CEP57L1: variants seen among roughly 807,000 people sequenced by gnomAD.
The protein encoded by CEP57L1 is centrosomal protein 57 like 1.
CEP57L1 carries 37 observed loss-of-function variants against 61.0 expected under a neutral mutation model. The observed-to-expected ratio is 0.61, with a 90% confidence interval of 0.47 to 0.80. The LOEUF (loss-of-function observed/expected upper bound fraction) is 0.80, where lower values mean the gene tolerates loss of function less well. Among genes scored for constraint, CEP57L1 ranks in the 30% least tolerant of loss-of-function variants. The probability of loss-of-function intolerance (pLI) is 0.00; values close to 1 mark genes in which losing one functional copy is unlikely to be tolerated. For synonymous variants in CEP57L1, 137 were observed against 162.3 expected (o/e 0.84, Z 1.19); for missense variants, 422 against 524.7 (o/e 0.80, Z 1.91).
chr6:109,114,550 G>A (rs945390325), intron 1 of CEP57L1, among the ~76,000 whole-genome samples: 2 of 151,638 alleles, frequency 1.3e-5, no homozygotes, highest in Non-Finnish European at 2.9e-5. Context: ...TGAACCTAGA[G>A]GACATCATAT....
intron 1 of CEP57L1, among the ~76,000 whole-genome samples, chr6:109,107,426 T>G (rs1771075017): frequency 2.0e-5 from 3 of 152,214 alleles, no homozygotes; most frequent in African/African-American, 7.2e-5. Flanking sequence ...ACATATAATT[T>G]TATAAGTTGC....
intron 1 of CEP57L1, among the ~76,000 whole-genome samples, chr6:109,107,909 G>A (rs910120107): frequency 1.3e-5 from 2 of 151,988 alleles, no homozygotes; most frequent in African/African-American, 4.8e-5. Flanking sequence ...CCATTGCACT[G>A]CAGCTTGGGC....
Position 109,153,963 on chromosome 6 carries a change from G to T in CEP57L1, c.579+14G>T. ...AAAACTGCTGAGGTAAGCTTTCTTT[G>T]AAGTGATGACAACAGGAATGAATCT... On this transcript the variant is annotated intron_variant, in intron 5 of 10. Coordinates refer to ENST00000517392, the MANE Select transcript of CEP57L1 (RefSeq NM_001271852.3). 1 of 1,321,284 alleles carries T rather than the reference G, an allele frequency of 7.6e-7. No individual in the cohort carries two copies. Among genetic ancestry groups the T allele is most frequent in the South Asian group, 1.2e-5 (1 of 82,208 alleles). 81.8% of individuals were successfully genotyped at this position (1,321,284 alleles called of 1,614,324 possible). A position where few individuals can be genotyped will look rare whatever the true frequency, so the allele number is the denominator to read the frequency against.
intron 3 of CEP57L1, among the ~76,000 whole-genome samples, chr6:109,148,918 T>G (rs1239575776): frequency 1.3e-5 from 2 of 152,280 alleles, no homozygotes; most frequent in African/African-American, 4.8e-5. Context: ...AAATGTCTTC[T>G]TTTGAGAAAT....
intron 1 of CEP57L1, among the ~76,000 whole-genome samples, chr6:109,143,561 A>G (rs1226337649): frequency 6.6e-6 from 1 of 151,992 alleles, no homozygotes; most frequent in Non-Finnish European, 1.5e-5. Context: ...GCTTGTGCCC[A>G]CTTTAATATG....
rs972221859 is a variant in CEP57L1 at position 109,120,911 on chromosome 6, C to T, written c.-3-24308C>T. On this transcript the variant is annotated intron_variant, in intron 1 of 10. Coordinates refer to ENST00000517392, the MANE Select transcript of CEP57L1 (RefSeq NM_001271852.3). ...TAGAAAATTCCTATACTTAGACACA[C>T]GCACACACACACACACACACACACA... is the stretch of plus-strand genomic sequence containing the variant. Among the ~76,000 whole-genome samples, 8 of 83,230 alleles carry T rather than the reference C, an allele frequency of 9.6e-5. No homozygotes were observed. The East Asian group carries it at 1.1e-3, about 12-fold the overall frequency. 54.6% of individuals were successfully genotyped at this position (83,230 alleles called of 152,430 possible). A position where few individuals can be genotyped will look rare whatever the true frequency, so the allele number is the denominator to read the frequency against.
At chr6:109,128,268 C>T (rs1462424965) in intron 1 of CEP57L1, among the ~76,000 whole-genome samples, 1 of 152,076 alleles carries the variant, frequency 6.6e-6, no homozygotes, top group African/African-American at 2.4e-5. Context: ...TATATTATTC[C>T]ATATTTCCAT....
intron 1 of CEP57L1, among the ~76,000 whole-genome samples, chr6:109,108,431 C>T (rs1184211431): frequency 3.9e-5 from 6 of 151,942 alleles, no homozygotes; most frequent in Non-Finnish European, 8.8e-5. Flanking sequence ...AGGCTGGTCT[C>T]GAACTCCTGA....
In CEP57L1 at chr6:109,152,698, T is replaced by C. The variant is rs183435901; in HGVS notation, c.463-1135T>C. 7.9e-3 allele frequency among the ~76,000 whole-genome samples: 1,199 copies of C among 152,182 alleles called. 20 individuals carry two copies. The highest frequency in any genetic ancestry group is 0.028 in the African/African-American group (1,149 of 41,502). ...GTGTGTGTATAACTTTCCTTTTCTC[T>C]GTGTTCTTATGTTTTATTCCTCTGA... On this transcript the variant is annotated intron_variant, in intron 4 of 10. Coordinates refer to ENST00000517392, the MANE Select transcript of CEP57L1 (RefSeq NM_001271852.3).
intron 1 of CEP57L1, among the ~76,000 whole-genome samples, chr6:109,139,474 TTC>T (rs1182977462): frequency 6.6e-6 from 1 of 151,758 alleles, no homozygotes; most frequent in Non-Finnish European, 1.5e-5. Context: ...GAATTTTTTT[TTC>T]TTTTTTCTTT....
intron 1 of CEP57L1, chr6:109,130,640 A>G (rs1484891367): frequency 2.0e-5 from 3 of 150,508 alleles, no homozygotes; most frequent in Non-Finnish European, 4.4e-5. Context: ...TTTAAAGAAA[A>G]CAACCCCCTC....
rs1198310495 is a variant in CEP57L1 at position 109,162,803 on chromosome 6, A to AT, written c.1218dup (p.Gln407SerfsTer8). ...CTCAAAGATGAGTGAAGCTTCAGGT[A>AT]TTCAGCAAGAAGACAGCTACCCTAA... On this transcript the variant is annotated frameshift_variant, in exon 11 of 11. Transcript: ENST00000517392. LOFTEE classifies it high-confidence loss of function. 3.1e-6 allele frequency: 5 copies of AT among 1,613,338 alleles called. No homozygotes were observed. The highest frequency in any genetic ancestry group is 1.6e-4 in the Middle Eastern group (1 of 6,080).
chr6:109,116,876 A>G (rs766887617), intron 1 of CEP57L1, among the ~76,000 whole-genome samples: 1 of 152,220 alleles, frequency 6.6e-6, no homozygotes, highest in Admixed American at 6.5e-5. Flanking sequence ...TAAGAAAAAC[A>G]TACTTCTAAA....
chr6:109,157,687 C>T (rs1323883275), intron 7 of CEP57L1: 1 of 152,046 alleles, frequency 6.6e-6, no homozygotes, highest in African/African-American at 2.4e-5. Context: ...GAAAATATAG[C>T]TTGGGGTGAG....
intron 10 of CEP57L1, among the ~76,000 whole-genome samples, chr6:109,161,637 G>A (rs956341627): frequency 1.9e-4 from 29 of 152,136 alleles, no homozygotes; most frequent in African/African-American, 6.3e-4. Flanking sequence ...TGGCTTTTAA[G>A]GCTATAGTAA....
chr6:109,135,196 G>T (rs1219801353), intron 1 of CEP57L1, among the ~76,000 whole-genome samples: 1 of 152,266 alleles, frequency 6.6e-6, no homozygotes, highest in South Asian at 2.1e-4. Flanking sequence ...AAACAGCATG[G>T]TACCTATACC....
intron 4 of CEP57L1, among the ~76,000 whole-genome samples, chr6:109,151,457 C>T (rs1772607977): frequency 6.6e-6 from 1 of 152,108 alleles, no homozygotes; most frequent in Admixed American, 6.6e-5. Context: ...GTAGGATCCT[C>T]TTTTAGTATG....
intron 7 of CEP57L1, chr6:109,156,154 G>A (rs894121645): frequency 1.0e-5 from 2 of 193,212 alleles, no homozygotes; most frequent in Middle Eastern, 2.0e-3. Context: ...GGACAGTATA[G>A]CTATCTTTGT....
intron 7 of CEP57L1, 119 bp downstream of exon 7, chr6:109,155,996 G>A (rs1773182600): frequency 2.0e-6 from 1 of 506,802 alleles, no homozygotes; most frequent in Admixed American, 4.1e-5. Flanking sequence ...TAAAAGACAT[G>A]CAATAATGCG....
Sources: gnomAD v4.1 joint callset for allele counts (sites outside exome capture counted in the v4.1 genomes callset) on GRCh38, gnomAD v4.1.1 for gene constraint, MANE v1.5 for transcripts, NCBI Gene and HGNC (gene_info 2026-07-23, HGNC 2026-07-21) for gene names.